Variants in MYRFL observed in about 807,000 individuals in gnomAD.
The protein encoded by MYRFL is myelin regulatory factor like, also known as myelin regulatory factor-like protein.
A neutral mutation model predicts 109.4 loss-of-function variants in MYRFL; 88 were observed. That is an observed-to-expected ratio of 0.80 (90% CI 0.68 to 0.96). The LOEUF is 0.96. Ranked by LOEUF, MYRFL falls within the 40% of genes least tolerant of loss-of-function variation. MYRFL has a pLI of 0.00. For missense variants in MYRFL, 957 were observed against 954.9 expected, an observed-to-expected ratio of 1.00 and a Z score of -0.03; for synonymous variants, 324 against 320.9, an observed-to-expected ratio of 1.01 and a Z score of -0.10.
intron 2 of MYRFL, among the ~76,000 whole-genome samples, chr12:69,877,034 T>C (rs112898715): frequency 2.1e-5 from 3 of 145,858 alleles, no homozygotes; most frequent in African/African-American, 5.1e-5. Flanking sequence ...TTTTTTTTTT[T>C]TTTTTTTGAG....
chr12:69,885,958 C>A (rs1306238832), intron 5 of MYRFL, among the ~76,000 whole-genome samples: 5 of 152,064 alleles, frequency 3.3e-5, no homozygotes, highest in Admixed American at 3.3e-4. Context: ...GGAAGTAAGA[C>A]TCCAAGTGAA....
At chr12:69,900,680 C>T (rs1441378996) in intron 10 of MYRFL, among the ~76,000 whole-genome samples, 4 of 152,180 alleles carry the variant, frequency 2.6e-5, no homozygotes, top group African/African-American at 7.2e-5. Context: ...TCAAGCTCTT[C>T]TATTAGTTCA....
intron 15 of MYRFL, among the ~76,000 whole-genome samples, chr12:69,929,583 T>C (rs531702599): frequency 6.6e-6 from 1 of 152,312 alleles, no homozygotes; most frequent in East Asian, 1.9e-4. Flanking sequence ...GGGAAGATAG[T>C]GGAAGATGAA....
chr12:69,943,302 C>T (rs941195617), intron 19 of MYRFL, among the ~76,000 whole-genome samples: 10 of 149,622 alleles, frequency 6.7e-5, no homozygotes, highest in African/African-American at 2.2e-4. Flanking sequence ...GCTACAGTAA[C>T]CAAAACAGCA....
intron 1 of MYRFL, among the ~76,000 whole-genome samples, chr12:69,849,467 A>C (rs572465150): frequency 3.3e-5 from 5 of 152,186 alleles, no homozygotes; most frequent in Admixed American, 6.5e-5. Context: ...TATGCATTTC[A>C]TCTCTATCAG....
At chr12:69,846,024 C>T (rs1013020380) in intron 1 of MYRFL, among the ~76,000 whole-genome samples, 3 of 151,280 alleles carry the variant, frequency 2.0e-5, no homozygotes, top group African/African-American at 4.9e-5. Flanking sequence ...AAAACTGGCT[C>T]TCCTCTGCAT....
At chr12:69,877,001 G>GTCTTTCTT (rs201597849) in intron 2 of MYRFL, among the ~76,000 whole-genome samples, 1,473 of 78,530 alleles carry the variant, frequency 0.019, 102 homozygotes, top group Middle Eastern at 0.032. Context: ...AAGGGTCCAG[G>GTCTTTCTT]TCTTTCTTTC....
intron 9 of MYRFL, 123 bp from the exon 10 acceptor site, chr12:69,897,033 T>C (rs1251213431): frequency 1.4e-6 from 1 of 702,664 alleles, no homozygotes; most frequent in East Asian, 2.7e-5. Flanking sequence ...GAAAAGGCAG[T>C]CTTTAAATAA....
At position 69,936,552 on chromosome 12, in the gene MYRFL, T is replaced by C. The variant is rs1428131089; in HGVS notation, c.2144T>C (p.Ile715Thr). The C allele has an allele frequency of 2.0e-6, 3 of 1,535,934 alleles. No individual in the cohort carries two copies. The African/African-American group carries it at 4.1e-5, about 21-fold the overall frequency. The stretch of plus-strand genomic sequence containing the variant: ...TGTCAGGAGACTTATTGCTGCCCCA[T>C]CCGGGGAATGAAAGAAGTCTCTTCA... ...LPCQETYCCPIRGMKEVSSSP... is the reference protein window; with the variant it reads ...LPCQETYCCPTRGMKEVSSSP... The change falls in exon 19 of 25, where the codon ATC becomes ACC. Residue 715 changes from isoleucine to threonine, a missense_variant. Transcript: ENST00000552032.
At chr12:69,882,362 C>T (rs559340426) in intron 5 of MYRFL, among the ~76,000 whole-genome samples, 4 of 152,242 alleles carry the variant, frequency 2.6e-5, no homozygotes, top group African/African-American at 9.6e-5. Flanking sequence ...ATCCGAATGC[C>T]ACATTCTTAT....
intron 13 of MYRFL, among the ~76,000 whole-genome samples, chr12:69,923,002 T>C (rs1954959571): frequency 1.3e-5 from 2 of 152,226 alleles, no homozygotes; most frequent in African/African-American, 4.8e-5. Flanking sequence ...TTTTATTCTT[T>C]TATTTACAAG....
chr12:69,933,871 T>C (rs1340674880), intron 16 of MYRFL, among the ~76,000 whole-genome samples: 1 of 63,854 alleles, frequency 1.6e-5, no homozygotes, highest in Non-Finnish European at 4.3e-5. Flanking sequence ...ACATGCTTAT[T>C]AGGTCGTCTT....
chr12:69,936,690 T>A (rs993502372), intron 19 of MYRFL, 58 bp downstream of exon 19: 3 of 1,399,872 alleles, frequency 2.1e-6, no homozygotes, highest in Non-Finnish European at 2.8e-6. Context: ...GTTTTTCTTG[T>A]CACAATTTAC....
At chr12:69,899,294 T>C (rs1486346304) in intron 10 of MYRFL, among the ~76,000 whole-genome samples, 1 of 152,226 alleles carries the variant, frequency 6.6e-6, no homozygotes, top group Non-Finnish European at 1.5e-5. Context: ...TGCAGACTTT[T>C]TGGTTTATTT....
intron 5 of MYRFL, among the ~76,000 whole-genome samples, chr12:69,884,858 G>A (rs553004539): frequency 1.4e-4 from 21 of 152,222 alleles, no homozygotes; most frequent in African/African-American, 4.6e-4. Flanking sequence ...CAACAACTCT[G>A]GAAGGTAACA....
At chr12:69,935,903 C>G in intron 16 of MYRFL, 1 of 587,800 alleles carries the variant, frequency 1.7e-6, no homozygotes, top group East Asian at 2.9e-5. Flanking sequence ...TACCTAGGAG[C>G]CTCTGAGCTC....
At chr12:69,862,896 T>C (rs1884778409) in intron 2 of MYRFL, among the ~76,000 whole-genome samples, 1 of 152,196 alleles carries the variant, frequency 6.6e-6, no homozygotes, top group Non-Finnish European at 1.5e-5. Context: ...TTGTCATAGA[T>C]AGCTGTTATT....
intron 2 of MYRFL, among the ~76,000 whole-genome samples, chr12:69,860,855 G>A (rs1225809488): frequency 1.4e-5 from 2 of 141,148 alleles, no homozygotes; most frequent in Admixed American, 7.1e-5. Context: ...TCATCATTTA[G>A]CATTAGGTAT....
At chr12:69,832,432 G>A (rs74670313) in intron 1 of MYRFL, among the ~76,000 whole-genome samples, 17,624 of 152,224 alleles carry the variant, frequency 0.12, 1,290 homozygotes, top group Middle Eastern at 0.2. Flanking sequence ...GGGAGAAGAC[G>A]ATAGGAGATA....
Sources: allele counts gnomAD v4.1 joint callset (sites outside exome capture counted in the v4.1 genomes callset), GRCh38; gene constraint gnomAD v4.1.1; transcripts MANE v1.5; gene names NCBI Gene and HGNC (gene_info 2026-07-23, HGNC 2026-07-21).